MAP3K15: variants seen among roughly 807,000 people sequenced by gnomAD.
MAP3K15 encodes MAPK/ERK kinase kinase 15.
Under a neutral mutation model 99.5 loss-of-function variants are expected in MAP3K15, and 124 were observed. That is an observed-to-expected ratio of 1.25 (90% CI 1.08 to 1.45). The LOEUF (loss-of-function observed/expected upper bound fraction) is 1.45. MAP3K15 is among the 40% of genes most tolerant of loss of function. The pLI, the probability that MAP3K15 is intolerant of heterozygous loss-of-function variation, is 0.00. For synonymous variants in MAP3K15, 494 were observed against 439.6 expected (o/e 1.12, Z -1.55); for missense variants, 1,242 against 1,079.7 (o/e 1.15, Z -2.11).
chrX:19,435,383 A>C (rs1174352928), intron 6 of MAP3K15, among the ~76,000 whole-genome samples: 1 of 110,661 alleles, frequency 9.0e-6, no homozygotes, highest in Non-Finnish European at 1.9e-5. Context: ...GTACTACCAC[A>C]CCTGGCTAAT....
intron 6 of MAP3K15, among the ~76,000 whole-genome samples, chrX:19,432,392 T>C (rs774484959): frequency 8.2e-5 from 9 of 109,167 alleles, no homozygotes; most frequent in Non-Finnish European, 1.5e-4. Flanking sequence ...GGTGAAACCC[T>C]GCCTCTACAA....
chrX:19,413,337 T>C lies in MAP3K15; in HGVS notation c.1698+20A>G, dbSNP rs372575904. 32 of 1,130,014 alleles carry C rather than the reference T, an allele frequency of 2.8e-5. No homozygotes were observed. The African/African-American group carries it at 5.4e-4, about 19-fold the overall frequency. 93.1% of individuals were successfully genotyped at this position (1,130,014 alleles called of 1,213,427 possible). A position where few individuals can be genotyped will look rare whatever the true frequency, so the allele number is the denominator to read the frequency against. On this transcript the variant is annotated intron_variant, in intron 11 of 28. Transcript: ENST00000338883. Reference sequence around the variant, plus strand: ...CCTATTTGAAAACTGATTAAATTGCTTGTGATTTTTCCTCCTTACCATTTC... The same window carrying C: ...CCTATTTGAAAACTGATTAAATTGCCTGTGATTTTTCCTCCTTACCATTTC...
Position 19,490,742 on chromosome X carries a change from T to C in MAP3K15, c.362-1775A>G, listed in dbSNP as rs1311856029. ...CCAGCCTAAGTGACAGAGTAAGACC[T>C]TGTCTCATAAACTAAAAAAAAAAAA... On this transcript the variant is annotated intron_variant, in intron 1 of 28. Coordinates refer to ENST00000338883, the MANE Select transcript of MAP3K15 (RefSeq NM_001001671.4). Among the ~76,000 whole-genome samples, 41 of 102,812 alleles carry C rather than the reference T, an allele frequency of 4.0e-4. 1 individual carries two copies. Among genetic ancestry groups the C allele is most frequent in the African/African-American group, 1.4e-3 (38 of 27,677 alleles). The allele number at this position is 102,812 out of a possible 115,157, so 89.3% of individuals were successfully genotyped here. A position where few individuals can be genotyped will look rare whatever the true frequency, so the allele number is the denominator to read the frequency against.
In MAP3K15 at chrX:19,449,565, G is replaced by A. The variant is rs1004774437; in HGVS notation, c.995+7348C>T. Among the ~76,000 whole-genome samples, 41 of 108,707 alleles carry A rather than the reference G, an allele frequency of 3.8e-4. 1 individual carries two copies. The highest frequency in any genetic ancestry group is 9.8e-5 in the Admixed American group (1 of 10,251). 94.4% of individuals were successfully genotyped at this position (108,707 alleles called of 115,157 possible). A position where few individuals can be genotyped will look rare whatever the true frequency, so the allele number is the denominator to read the frequency against. ...GTATTGGCATCTAGTGGGTAAAGAC[G>A]AGGGATGTTGCTAAACATCTTACTA... On this transcript the variant is annotated intron_variant, in intron 6 of 28. Transcript: ENST00000338883.
At chrX:19,392,297 T>G (rs1355667978) in intron 17 of MAP3K15, 46 bp downstream of exon 17, 1 of 1,179,414 alleles carries the variant, frequency 8.5e-7, no homozygotes. Context: ...GCTCTCATGA[T>G]CTGATACGAG....
intron 16 of MAP3K15, among the ~76,000 whole-genome samples, chrX:19,393,868 T>G (rs778719775): frequency 3.0e-3 from 309 of 101,956 alleles, no homozygotes; most frequent in African/African-American, 0.011. Context: ...CTCCTCCTGG[T>G]TTTAAGCGAT....
At chrX:19,391,697 GAAAGAAAA>G (rs1435835389) in intron 18 of MAP3K15, among the ~76,000 whole-genome samples, 8 of 85,525 alleles carry the variant, frequency 9.4e-5, no homozygotes, top group African/African-American at 1.4e-4. Flanking sequence ...AAAAAAAAAA[GAAAGAAAA>G]AAAGAAAAAA....
intron 2 of MAP3K15, among the ~76,000 whole-genome samples, chrX:19,488,221 A>G (rs1346615926): frequency 1.8e-5 from 2 of 112,314 alleles, no homozygotes; most frequent in Admixed American, 9.5e-5. Flanking sequence ...CATTTTTTAA[A>G]AAAATACTAT....
At chrX:19,460,761 G>GTT (rs372618461) in intron 4 of MAP3K15, among the ~76,000 whole-genome samples, 5 of 98,097 alleles carry the variant, frequency 5.1e-5, no homozygotes, top group African/African-American at 1.6e-4. Context: ...TTGTTTTTTT[G>GTT]TTTTTTTTTT....
intron 6 of MAP3K15, among the ~76,000 whole-genome samples, chrX:19,456,341 G>A (rs964712342): frequency 1.4e-4 from 16 of 111,511 alleles, no homozygotes; most frequent in African/African-American, 4.9e-4. Context: ...CCGCATAGAT[G>A]AATCTCGCGA....
chrX:19,390,810 AG>A (rs202037330), intron 18 of MAP3K15, among the ~76,000 whole-genome samples: 5,779 of 108,934 alleles, frequency 0.053, 174 homozygotes, highest in Middle Eastern at 0.12. Context: ...CTGGGATTAC[AG>A]GTGTCAGCCA....
chrX:19,427,242 C>T (rs950662920), intron 7 of MAP3K15, among the ~76,000 whole-genome samples: 6 of 110,389 alleles, frequency 5.4e-5, no homozygotes, highest in Admixed American at 9.7e-5. Context: ...CCCCTGGGCT[C>T]AAGCGATCCT....
chrX:19,441,434 G>A (rs772108839), intron 6 of MAP3K15, among the ~76,000 whole-genome samples: 28 of 107,746 alleles, frequency 2.6e-4, no homozygotes, highest in Non-Finnish European at 5.5e-4. Context: ...GTACAACTCC[G>A]AATATGCTAA....
In MAP3K15 at chrX:19,419,521, A is replaced by G. The variant is rs771818726; in HGVS notation, c.1440-4264T>C. The stretch of plus-strand genomic sequence containing the variant: ...AAATATATATGCACCCAATACAGGA[A>G]CACCCACATTCATAAAGCAAGTCCT... On this transcript the variant is annotated intron_variant, in intron 9 of 28. Coordinates refer to ENST00000338883, the MANE Select transcript of MAP3K15 (RefSeq NM_001001671.4). 3.1e-3 allele frequency among the ~76,000 whole-genome samples: 337 copies of G among 109,759 alleles called. 3 individuals carry two copies. The highest frequency in any genetic ancestry group is 0.014 in the East Asian group (50 of 3,506).
At chrX:19,498,222 G>A (rs767127916) in intron 1 of MAP3K15, among the ~76,000 whole-genome samples, 3 of 111,003 alleles carry the variant, frequency 2.7e-5, no homozygotes, top group South Asian at 7.6e-4. Context: ...TTCACACACC[G>A]GGTTTCAGCA....
At chrX:19,467,982 C>T (rs2147368917) in intron 3 of MAP3K15, among the ~76,000 whole-genome samples, 1 of 111,877 alleles carries the variant, frequency 8.9e-6, no homozygotes, top group East Asian at 2.8e-4. Flanking sequence ...CAGCACCCCA[C>T]TCACAGAGCA....
intron 14 of MAP3K15, among the ~76,000 whole-genome samples, chrX:19,399,739 CAAAAAAAA>C (rs777947449): frequency 8.5e-5 from 3 of 35,500 alleles, no homozygotes; most frequent in African/African-American, 1.3e-4. Context: ...ACTCTGTTTC[CAAAAAAAA>C]AAAAAAAAAA....
At position 19,453,284 on chromosome X, in the gene MAP3K15, T is replaced by C. The variant is rs1324647617; in HGVS notation, c.995+3629A>G. On this transcript the variant is annotated intron_variant, in intron 6 of 28. Transcript: ENST00000338883. ...GGGAGGCTGAGGCGGGTGGATTACT[T>C]GAGGTCAGGAGTTTGAGACCAGCCT... 2.7e-5 allele frequency among the ~76,000 whole-genome samples: 3 copies of C among 110,262 alleles called. No homozygotes were observed. In the East Asian group the frequency reaches 8.5e-4, roughly 31 times the overall value.
intron 3 of MAP3K15, among the ~76,000 whole-genome samples, chrX:19,464,864 G>T (rs140756883): frequency 6.3e-4 from 70 of 111,351 alleles, no homozygotes; most frequent in African/African-American, 1.9e-3. Flanking sequence ...TTGTTTTGTA[G>T]GAAGCATATA....
Sources: allele counts gnomAD v4.1 joint callset (sites outside exome capture counted in the v4.1 genomes callset), GRCh38; gene constraint gnomAD v4.1.1; transcripts MANE v1.5; gene names NCBI Gene and HGNC (gene_info 2026-07-23, HGNC 2026-07-21).